DOCK1: variants seen among roughly 807,000 people sequenced by gnomAD.
DOCK1 encodes dedicator of cytokinesis protein 1.
DOCK1 carries 138 observed loss-of-function variants against 262.7 expected under a neutral mutation model. The ratio of observed to expected loss-of-function variants is 0.53; its 90% CI spans 0.46 to 0.61. The LOEUF is 0.61. DOCK1 is among the 20% of genes least tolerant of loss of function. DOCK1 has a pLI of 0.00. For missense variants in DOCK1, 1,908 were observed against 2,370.7 expected (o/e 0.80, Z 4.05); for synonymous variants, 866 against 867.4 (o/e 1.00, Z 0.03).
At chr10:127,235,027 A>G (rs987442682) in intron 27 of DOCK1, among the ~76,000 whole-genome samples, 7 of 148,742 alleles carry the variant, frequency 4.7e-5, no homozygotes, top group Admixed American at 1.3e-4. Context: ...TATACTGTAT[A>G]AAGCATATAT....
intron 29 of DOCK1, among the ~76,000 whole-genome samples, chr10:127,292,417 G>A (rs765109055): frequency 1.8e-4 from 27 of 152,174 alleles, no homozygotes; most frequent in Admixed American, 3.9e-4. Context: ...TGCTTCATGA[G>A]AAGTGGAAGA....
At chr10:127,327,218 T>G (rs769985055) in intron 29 of DOCK1, among the ~76,000 whole-genome samples, 13 of 152,228 alleles carry the variant, frequency 8.5e-5, no homozygotes, top group Non-Finnish European at 1.8e-4. Flanking sequence ...GGAATTGACT[T>G]CTTCTCCCTA....
At chr10:127,366,237 C>G (rs2064900111) in intron 33 of DOCK1, among the ~76,000 whole-genome samples, 1 of 151,998 alleles carries the variant, frequency 6.6e-6, no homozygotes, top group Non-Finnish European at 1.5e-5. Flanking sequence ...GGCAGAAAAA[C>G]TAACCCTTGT....
chr10:127,318,426 G>T (rs1412947443), intron 29 of DOCK1, among the ~76,000 whole-genome samples: 1 of 152,208 alleles, frequency 6.6e-6, no homozygotes, highest in African/African-American at 2.4e-5. Flanking sequence ...GGCTGGGATG[G>T]CTGGGAGCTG....
intron 29 of DOCK1, among the ~76,000 whole-genome samples, chr10:127,329,651 C>T (rs182000207): frequency 6.6e-6 from 1 of 152,228 alleles, no homozygotes; most frequent in Admixed American, 6.5e-5. Flanking sequence ...GTAGAGACTT[C>T]TCACTTCCTG....
chr10:127,229,089 G>C (rs933424037), intron 27 of DOCK1, among the ~76,000 whole-genome samples: 1 of 152,040 alleles, frequency 6.6e-6, no homozygotes, highest in Non-Finnish European at 1.5e-5. Flanking sequence ...CAAAAAATTA[G>C]CCGGGCGTGG....
intron 27 of DOCK1, among the ~76,000 whole-genome samples, chr10:127,174,118 G>A (rs746495514): frequency 9.2e-5 from 14 of 152,236 alleles, no homozygotes; most frequent in Admixed American, 2.0e-4. Flanking sequence ...GAAACTTTGT[G>A]CCCAGGTGGT....
At chr10:127,145,003 A>T (rs1318601093) in intron 27 of DOCK1, among the ~76,000 whole-genome samples, 1 of 152,196 alleles carries the variant, frequency 6.6e-6, no homozygotes, top group African/African-American at 2.4e-5. Context: ...ACTATGAAGG[A>T]TCCAAAGTTA....
intron 29 of DOCK1, among the ~76,000 whole-genome samples, chr10:127,317,672 G>A (rs2062343771): frequency 6.6e-6 from 1 of 152,098 alleles, no homozygotes; most frequent in South Asian, 2.1e-4. Context: ...CTTAATACAT[G>A]TCCGGGAGCC....
intron 29 of DOCK1, among the ~76,000 whole-genome samples, chr10:127,282,207 CTCTCTCTCTCTT>C (rs1236147761): frequency 1.3e-5 from 2 of 151,642 alleles, no homozygotes; most frequent in African/African-American, 4.9e-5. Flanking sequence ...CTCTTGTGTT[CTCTCTCTCTCTT>C]TCTCTCTCTC....
At chr10:127,300,280 C>G (rs1435349787) in intron 29 of DOCK1, among the ~76,000 whole-genome samples, 1 of 152,224 alleles carries the variant, frequency 6.6e-6, no homozygotes, top group Non-Finnish European at 1.5e-5. Context: ...CGCGCTGCCT[C>G]TCCTGTGCGG....
chr10:127,028,864 C>G (rs988679255), intron 16 of DOCK1, among the ~76,000 whole-genome samples: 1 of 152,158 alleles, frequency 6.6e-6, no homozygotes, highest in Non-Finnish European at 1.5e-5. Context: ...GGGGGCCAGC[C>G]TAGTGGGCTG....
intron 25 of DOCK1, among the ~76,000 whole-genome samples, chr10:127,112,259 G>A (rs565397220): frequency 8.5e-4 from 130 of 152,158 alleles, no homozygotes; most frequent in Middle Eastern, 3.4e-3. Context: ...TGATCCACCC[G>A]CCTCGGCCTC....
At chr10:127,385,615 T>C (rs2066067506) in intron 38 of DOCK1, among the ~76,000 whole-genome samples, 1 of 152,236 alleles carries the variant, frequency 6.6e-6, no homozygotes, top group Non-Finnish European at 1.5e-5. Context: ...ATCCTAGGGC[T>C]GCTGTAGCAC....
chr10:127,407,675 C>G (rs2134360285), intron 40 of DOCK1, among the ~76,000 whole-genome samples: 1 of 152,180 alleles, frequency 6.6e-6, no homozygotes, highest in East Asian at 1.9e-4. Context: ...GTCTCTGTCT[C>G]TGTTCGTCTC....
chr10:126,914,271 G>T (rs1221247521), intron 1 of DOCK1, among the ~76,000 whole-genome samples: 1 of 152,206 alleles, frequency 6.6e-6, no homozygotes, highest in African/African-American at 2.4e-5. Flanking sequence ...TCTCTCATCA[G>T]AAATGTTACC....
intron 29 of DOCK1, among the ~76,000 whole-genome samples, chr10:127,277,540 C>CT (rs1564958933): frequency 6.6e-6 from 1 of 152,040 alleles, no homozygotes; most frequent in Non-Finnish European, 1.5e-5. Context: ...GGTGGATCAC[C>CT]TGAGGTCAGG....
chr10:126,999,311 T>C, intron 8 of DOCK1, 43 bp from the exon 9 acceptor site: 3 of 1,523,720 alleles, frequency 2.0e-6, no homozygotes, highest in Non-Finnish European at 2.7e-6. Context: ...TGGTACCCTG[T>C]TATTTGGAAA....
At chr10:127,450,336 C>A (rs373040822) in intron 51 of DOCK1, among the ~76,000 whole-genome samples, 4 of 152,204 alleles carry the variant, frequency 2.6e-5, no homozygotes, top group Non-Finnish European at 5.9e-5. Context: ...CAAACCCACA[C>A]TGAGAGGCTG....
Sources: gnomAD v4.1 joint callset for allele counts (sites outside exome capture counted in the v4.1 genomes callset) on GRCh38, gnomAD v4.1.1 for gene constraint, MANE v1.5 for transcripts, NCBI Gene and HGNC (gene_info 2026-07-23, HGNC 2026-07-21) for gene names.